TNPO3: variants seen among roughly 807,000 people sequenced by gnomAD.
The protein encoded by TNPO3 is transportin-3.
Under a neutral mutation model 122.8 loss-of-function variants are expected in TNPO3, and 65 were observed. The ratio of observed to expected loss-of-function variants is 0.53; its 90% CI spans 0.43 to 0.65. The LOEUF (loss-of-function observed/expected upper bound fraction) is 0.65. TNPO3 is among the 30% of genes least tolerant of loss of function. The probability of loss-of-function intolerance (pLI) is 0.00; values close to 1 mark genes in which losing one functional copy is unlikely to be tolerated. For synonymous variants in TNPO3, 372 were observed against 411.2 expected (o/e 0.90, Z 1.15); for missense variants, 850 against 1,136.7 (o/e 0.75, Z 3.63).
intron 20 of TNPO3, among the ~76,000 whole-genome samples, chr7:128,968,106 T>C (rs945001480): frequency 7.9e-5 from 12 of 151,996 alleles, no homozygotes; most frequent in Non-Finnish European, 1.5e-4. Context: ...TGATCCAGAG[T>C]AAAGGTTCAG....
intron 1 of TNPO3, among the ~76,000 whole-genome samples, chr7:129,036,578 C>T (rs1266260686): frequency 1.3e-5 from 2 of 152,048 alleles, no homozygotes; most frequent in African/African-American, 4.8e-5. Context: ...ATATCAATGT[C>T]AAATTTCTTG....
At chr7:128,987,109 C>T (rs1800243890) in intron 11 of TNPO3, among the ~76,000 whole-genome samples, 189 bp from the exon 12 acceptor site, 1 of 152,168 alleles carries the variant, frequency 6.6e-6, no homozygotes, top group Admixed American at 6.5e-5. Context: ...ATATTGTCAA[C>T]AGGCCCTGAG....
chr7:129,047,773 A>T (rs1382754332), intron 1 of TNPO3, among the ~76,000 whole-genome samples: 3 of 152,228 alleles, frequency 2.0e-5, no homozygotes, highest in Non-Finnish European at 4.4e-5. Context: ...AACCACACAA[A>T]TTCTATGCCT....
chr7:128,972,575 G>A lies in TNPO3; in HGVS notation c.2281C>T (p.Gln761Ter). 1.2e-6 allele frequency: 2 copies of A among 1,613,032 alleles called. No homozygotes were observed. The highest frequency in any genetic ancestry group is 1.1e-5 in the South Asian group (1 of 90,878). The change falls in exon 19 of 23, where the codon CAG becomes TAG. Residue 761 changes from glutamine (Q) to a stop codon, truncating the protein, a stop_gained. Transcript: ENST00000265388. LOFTEE classifies it high-confidence loss of function. ...DLFRLATRFI[Q>*]RSPVTLLRSQ... ...CGCAGCAAGGTGACAGGGCTACGCTGAATAAACCTGGTGTGGAAAGTGAGA... is the reference window on the plus strand; with the variant it reads ...CGCAGCAAGGTGACAGGGCTACGCTAAATAAACCTGGTGTGGAAAGTGAGA...
chr7:128,965,849 T>C lies in TNPO3; in HGVS notation c.2711+1431A>G, dbSNP rs894267106. Reference sequence around the variant, plus strand: ...CTAATCACAAAAAGACAAATCTGTATGATCTCACTTATATGAGGTATCTAG... The same window carrying C: ...CTAATCACAAAAAGACAAATCTGTACGATCTCACTTATATGAGGTATCTAG... On this transcript the variant is annotated intron_variant, in intron 21 of 22. Coordinates refer to ENST00000265388, the MANE Select transcript of TNPO3 (RefSeq NM_012470.4). 3.9e-5 allele frequency among the ~76,000 whole-genome samples: 6 copies of C among 152,230 alleles called. No homozygotes were observed. The East Asian group carries it at 9.6e-4, about 24-fold the overall frequency.
chr7:128,966,092 A>G (rs1797902928), intron 21 of TNPO3, among the ~76,000 whole-genome samples: 2 of 152,228 alleles, frequency 1.3e-5, no homozygotes, highest in African/African-American at 4.8e-5. Context: ...GTGTATTTTT[A>G]TAACAGTTAA....
chr7:129,052,185 G>A (rs894813419), intron 1 of TNPO3, among the ~76,000 whole-genome samples: 1 of 152,166 alleles, frequency 6.6e-6, no homozygotes, highest in African/African-American at 2.4e-5. Flanking sequence ...TTACCAACAG[G>A]TCACTGTGCC....
chr7:128,967,210 G>T, intron 21 of TNPO3, 70 bp downstream of exon 21: 1 of 1,022,112 alleles, frequency 9.8e-7, no homozygotes, highest in Non-Finnish European at 1.5e-6. Context: ...TTTCCCAAGG[G>T]CACATAAGAA....
At chr7:128,979,660 G>A (rs1394577867) in intron 15 of TNPO3, among the ~76,000 whole-genome samples, 2 of 152,172 alleles carry the variant, frequency 1.3e-5, no homozygotes, top group Non-Finnish European at 2.9e-5. Flanking sequence ...TGAGGAAAAC[G>A]AAGTCACTAG....
chr7:129,055,886 T>G, upstream of TNPO3: 1 of 604,644 alleles, frequency 1.7e-6, no homozygotes, highest in Non-Finnish European at 3.0e-6. Context: ...TAACTGCTAT[T>G]TGATAAATGA....
At position 129,053,633 on chromosome 7, in the gene TNPO3, G is replaced by C. The variant is rs554634189; in HGVS notation, c.120+1018C>G. On this transcript the variant is annotated intron_variant, in intron 1 of 22. Coordinates refer to ENST00000265388, the MANE Select transcript of TNPO3 (RefSeq NM_012470.4). ...TAAGGCAGAGCACCTTTAAGTATCA[G>C]TTATGAGTTAAAATAAAGGGAAGGG... is the stretch of plus-strand genomic sequence containing the variant. 1.2e-3 allele frequency among the ~76,000 whole-genome samples: 182 copies of C among 152,100 alleles called. 1 individual carries two copies. Among genetic ancestry groups the C allele is most frequent in the African/African-American group, 4.1e-3 (171 of 41,488 alleles).
intron 12 of TNPO3, 32 bp from the exon 13 acceptor site, chr7:128,984,291 T>A (rs1799926083): frequency 1.3e-6 from 2 of 1,535,328 alleles, no homozygotes; most frequent in South Asian, 1.2e-5. Context: ...AAATGAAAAA[T>A]AAACGCTGAA....
In TNPO3 at chr7:128,990,935, T is replaced by C. The variant is rs562641127; in HGVS notation, c.1359-835A>G. On this transcript the variant is annotated intron_variant, in intron 10 of 22. Transcript: ENST00000265388. ...GTCTATTAAGTCCTTTTATATGCAC[T>C]AAAAAATTATAATCATGCAGTTGGC... Among the ~76,000 whole-genome samples, 31 of 152,072 alleles carry C rather than the reference T, an allele frequency of 2.0e-4. 1 individual carries two copies. The highest frequency in any genetic ancestry group is 3.8e-4 in the Non-Finnish European group (26 of 68,006).
At chr7:129,039,983 G>A (rs1385380668) in intron 1 of TNPO3, among the ~76,000 whole-genome samples, 1 of 152,194 alleles carries the variant, frequency 6.6e-6, no homozygotes, top group African/African-American at 2.4e-5. Context: ...AGCTGGGCAT[G>A]GTGGCTCACG....
chr7:129,003,525 G>C (rs546916390), intron 5 of TNPO3, among the ~76,000 whole-genome samples: 2 of 151,696 alleles, frequency 1.3e-5, no homozygotes, highest in South Asian at 2.1e-4. Flanking sequence ...AATTAGCCAG[G>C]CATGGTGGCA....
At chr7:128,980,181 C>T (rs1363493205) in intron 14 of TNPO3, 150 bp from the exon 15 acceptor site, 1 of 721,746 alleles carries the variant, frequency 1.4e-6, no homozygotes, top group Non-Finnish European at 2.4e-6. Flanking sequence ...CCTTTATAAG[C>T]ACATCCTTTA....
rs1805071380 is a variant in TNPO3 at position 129,025,723 on chromosome 7, G to A, written c.121-7566C>T. ...CCCTGTGCTCAAAGTTCTATTTCTT[G>A]ACTTGGGTGGTGGTTAAAAGGCCAT... On this transcript the variant is annotated intron_variant, in intron 1 of 22. Coordinates refer to ENST00000265388, the MANE Select transcript of TNPO3 (RefSeq NM_012470.4). 1.3e-5 allele frequency among the ~76,000 whole-genome samples: 2 copies of A among 151,880 alleles called. 1 individual carries two copies. Among genetic ancestry groups the A allele is most frequent in the Non-Finnish European group, 2.9e-5 (2 of 68,004 alleles).
chr7:129,031,879 G>A (rs984931451), intron 1 of TNPO3, among the ~76,000 whole-genome samples: 2 of 151,992 alleles, frequency 1.3e-5, no homozygotes, highest in African/African-American at 4.8e-5. Context: ...TAGAAATGGG[G>A]TGTTGCTATG....
In TNPO3 at chr7:128,979,954, C is replaced by T; in HGVS notation, c.1920+17G>A. ...AAGAAGCAAGCCTTGATTCCACAAGCATCCATTAGCACTTACTTCCTGTAT... is the reference window on the plus strand; with the variant it reads ...AAGAAGCAAGCCTTGATTCCACAAGTATCCATTAGCACTTACTTCCTGTAT... On this transcript the variant is annotated intron_variant, in intron 15 of 22. Coordinates refer to ENST00000265388, the MANE Select transcript of TNPO3 (RefSeq NM_012470.4). 6.2e-7 allele frequency: 1 copy of T among 1,612,454 alleles called. No individual in the cohort carries two copies. The highest frequency in any genetic ancestry group is 8.5e-7 in the Non-Finnish European group (1 of 1,178,536).
Sources: gnomAD v4.1 joint callset for allele counts (sites outside exome capture counted in the v4.1 genomes callset) on GRCh38, gnomAD v4.1.1 for gene constraint, MANE v1.5 for transcripts, NCBI Gene and HGNC (gene_info 2026-07-23, HGNC 2026-07-21) for gene names.